TMEM132D: variants seen among roughly 807,000 people sequenced by gnomAD.
TMEM132D encodes the protein transmembrane protein 132D.
TMEM132D carries 21 observed loss-of-function variants against 62.3 expected under a neutral mutation model. That is an observed-to-expected ratio of 0.34 (90% CI 0.24 to 0.49). The LOEUF is 0.49. TMEM132D is among the 20% of genes least tolerant of loss of function. The probability of loss-of-function intolerance (pLI) is 0.99; values close to 1 mark genes in which losing one functional copy is unlikely to be tolerated. For synonymous variants in TMEM132D, 621 were observed against 575.6 expected (o/e 1.08, Z -1.13); for missense variants, 1,346 against 1,402.8 (o/e 0.96, Z 0.65).
chr12:129,721,914 G>A (rs1371334454), intron 1 of TMEM132D, among the ~76,000 whole-genome samples: 1 of 152,236 alleles, frequency 6.6e-6, no homozygotes, highest in Non-Finnish European at 1.5e-5. Flanking sequence ...CTTCTCAGAT[G>A]TGGGTCCCGG....
intron 1 of TMEM132D, among the ~76,000 whole-genome samples, chr12:129,795,873 T>A (rs976487730): frequency 2.0e-5 from 3 of 152,212 alleles, no homozygotes; most frequent in Non-Finnish European, 4.4e-5. Context: ...AGTTTAATTA[T>A]TTTTATGAAT....
chr12:129,104,328 T>C (rs1286562034), intron 5 of TMEM132D, among the ~76,000 whole-genome samples: 1 of 151,764 alleles, frequency 6.6e-6, no homozygotes, highest in Admixed American at 6.6e-5. Flanking sequence ...CTGGGAAAAC[T>C]GGCTAGCCAT....
intron 3 of TMEM132D, among the ~76,000 whole-genome samples, chr12:129,406,478 G>T (rs1365389227): frequency 6.6e-6 from 1 of 152,072 alleles, no homozygotes; most frequent in Non-Finnish European, 1.5e-5. Context: ...AAATTAGCCA[G>T]GTGTGGTGGC....
At chr12:129,615,644 T>C (rs1878893913) in intron 2 of TMEM132D, among the ~76,000 whole-genome samples, 2 of 149,658 alleles carry the variant, frequency 1.3e-5, no homozygotes, top group African/African-American at 4.9e-5. Context: ...TGGTGGTGTA[T>C]GCCTGTTGTC....
chr12:129,339,393 A>AGAGGTCAGCCTTCCGCTTAAGCAGCC (rs72413908), intron 3 of TMEM132D, among the ~76,000 whole-genome samples: 24,347 of 151,566 alleles, frequency 0.16, 2,328 homozygotes, highest in Non-Finnish European at 0.21. Context: ...AAGAACCCCA[A>AGAGGTCAGCCTTCCGCTTAAGCAGCC]ATCTCTTCCA....
chr12:129,733,794 G>GGT (rs1405308109), intron 1 of TMEM132D, among the ~76,000 whole-genome samples: 1 of 152,182 alleles, frequency 6.6e-6, no homozygotes, highest in African/African-American at 2.4e-5. Flanking sequence ...TCGCTGGGCA[G>GGT]GTGATGAGGA....
intron 1 of TMEM132D, among the ~76,000 whole-genome samples, chr12:129,881,957 T>C (rs1874610486): frequency 6.6e-6 from 1 of 151,886 alleles, no homozygotes; most frequent in South Asian, 2.1e-4. Flanking sequence ...TCGCTACAGA[T>C]CTAAAACTAC....
Position 129,700,280 on chromosome 12 carries a change from C to T in TMEM132D, c.498G>A (p.Pro166=), listed in dbSNP as rs760857823. ...CTCGGAAAGCAAAGACCCTCAGGCA[C>T]GGCAGCTTCTCCCCGGCGCTGCGGT... The part of the protein sequence containing the change: ...WDDRSAGEKL[P]CLRVFAFRET... Residue 166 remains proline, a synonymous_variant, in exon 2 of 9, where the codon CCG becomes CCA. Coordinates refer to ENST00000422113, the MANE Select transcript of TMEM132D (RefSeq NM_133448.3). The T allele has an allele frequency of 2.8e-5, 45 of 1,613,582 alleles. No individual in the cohort carries two copies. The East Asian group carries it at 3.6e-4, about 13-fold the overall frequency.
chr12:129,490,570 A>C (rs540608908), intron 3 of TMEM132D, among the ~76,000 whole-genome samples: 2 of 139,926 alleles, frequency 1.4e-5, no homozygotes, highest in African/African-American at 2.8e-5. Flanking sequence ...CTGGGACTAC[A>C]GGCGCCCGCC....
intron 4 of TMEM132D, among the ~76,000 whole-genome samples, chr12:129,296,154 T>C (rs1212912519): frequency 6.6e-6 from 1 of 152,108 alleles, no homozygotes; most frequent in African/African-American, 2.4e-5. Flanking sequence ...TTGGTTCTGT[T>C]TTTCTGGAAA....
intron 5 of TMEM132D, among the ~76,000 whole-genome samples, chr12:129,086,930 T>C (rs1027568543): frequency 6.6e-6 from 1 of 152,176 alleles, no homozygotes; most frequent in Non-Finnish European, 1.5e-5. Context: ...TTCTCCATAC[T>C]GTTTTCCATA....
At chr12:129,713,356 T>G (rs1001916195) in intron 1 of TMEM132D, among the ~76,000 whole-genome samples, 1 of 152,182 alleles carries the variant, frequency 6.6e-6, no homozygotes, top group African/African-American at 2.4e-5. Flanking sequence ...AGAATGTTTT[T>G]GTTGCTTAAA....
At chr12:129,810,549 CAT>C (rs1297899085) in intron 1 of TMEM132D, among the ~76,000 whole-genome samples, 65 of 31,116 alleles carry the variant, frequency 2.1e-3, no homozygotes, top group Admixed American at 0.011. Context: ...AAAATATATA[CAT>C]ACACACACAC....
chr12:129,766,222 A>G (rs974361766), intron 1 of TMEM132D, among the ~76,000 whole-genome samples: 1 of 141,190 alleles, frequency 7.1e-6, no homozygotes, highest in East Asian at 2.1e-4. Flanking sequence ...GCCAAAATTA[A>G]GCCTTACTTG....
At chr12:129,288,342 T>TA (rs1278294410) in intron 4 of TMEM132D, among the ~76,000 whole-genome samples, 1 of 152,176 alleles carries the variant, frequency 6.6e-6, no homozygotes, top group Non-Finnish European at 1.5e-5. Flanking sequence ...ATATATCTGA[T>TA]ACGGGGTTAA....
intron 3 of TMEM132D, among the ~76,000 whole-genome samples, chr12:129,494,164 A>G (rs1186711032): frequency 6.6e-6 from 1 of 152,206 alleles, no homozygotes; most frequent in Non-Finnish European, 1.5e-5. Flanking sequence ...AGGCATTTAC[A>G]TGGAAACTTG....
chr12:129,328,708 C>CATTT (rs1388628590), intron 4 of TMEM132D, among the ~76,000 whole-genome samples: 1 of 152,136 alleles, frequency 6.6e-6, no homozygotes, highest in Non-Finnish European at 1.5e-5. Context: ...CACCTCCTTG[C>CATTT]ATTTGCATTT....
chr12:129,696,344 T>C (rs923165077), intron 2 of TMEM132D, among the ~76,000 whole-genome samples: 1 of 152,240 alleles, frequency 6.6e-6, no homozygotes, highest in African/African-American at 2.4e-5. Flanking sequence ...AACAAATTCT[T>C]GAGCATTTAA....
At position 129,371,463 on chromosome 12, in the gene TMEM132D, TG is replaced by T. The variant is rs1482295605; in HGVS notation, c.1116-33647del. Among the ~76,000 whole-genome samples the T allele has an allele frequency of 1.3e-5, 2 of 151,866 alleles. No individual in the cohort carries two copies. Among genetic ancestry groups the T allele is most frequent in the Non-Finnish European group, 2.9e-5 (2 of 67,988 alleles). On this transcript the variant is annotated intron_variant, in intron 3 of 8. Transcript: ENST00000422113. The surrounding 1 kb of genome is among the most constrained non-coding windows in gnomAD (Gnocchi z 4.3). ...GATGTGATATTGATGATGGTGGTAA[TG>T]ACGATGATGATGTGATAATGGTGAT...
Sources: allele counts gnomAD v4.1 joint callset (sites outside exome capture counted in the v4.1 genomes callset), GRCh38; gene constraint gnomAD v4.1.1; non-coding constraint Gnocchi (gnomAD v3.1); transcripts MANE v1.5; gene names NCBI Gene and HGNC (gene_info 2026-07-23, HGNC 2026-07-21).